Variants in ARHGEF10 observed in about 807,000 individuals in gnomAD.
The protein encoded by ARHGEF10 is Rho guanine nucleotide exchange factor 10, also known as Rho guanine nucleotide exchange factor (GEF) 10.
In ARHGEF10, 140 loss-of-function variants were observed where a neutral mutation model predicts 147.4. The ratio of observed to expected loss-of-function variants is 0.95; its 90% CI spans 0.83 to 1.09. The LOEUF (loss-of-function observed/expected upper bound fraction) is 1.09, where lower values mean the gene tolerates loss of function less well. ARHGEF10 is among the 50% of genes least tolerant of loss of function. The pLI is 0.00. For missense variants in ARHGEF10, 2,222 were observed against 1,752.7 expected, an observed-to-expected ratio of 1.27 and a Z score of -4.78; for synonymous variants, 902 against 695.8, an observed-to-expected ratio of 1.30 and a Z score of -4.67.
At chr8:1,898,561 T>A (rs768920804) in intron 15 of ARHGEF10, 36 bp downstream of exon 15, 1 of 1,590,138 alleles carries the variant, frequency 6.3e-7, no homozygotes, top group Non-Finnish European at 8.6e-7. Context: ...AAGCTAGTCC[T>A]CTGGCTCGCC....
intron 16 of ARHGEF10, chr8:1,903,878 G>T: frequency 4.0e-6 from 1 of 248,544 alleles, no homozygotes; most frequent in Admixed American, 5.2e-5. Context: ...AAGATCGCTG[G>T]AACCCAGGAG....
chr8:1,877,824 C>T (rs1289794470), intron 8 of ARHGEF10, among the ~76,000 whole-genome samples: 1 of 151,908 alleles, frequency 6.6e-6, no homozygotes, highest in Non-Finnish European at 1.5e-5. Flanking sequence ...AAGCCACACG[C>T]AGTCCTTGTC....
chr8:1,876,767 C>T (rs1432134786), intron 8 of ARHGEF10, 33 bp downstream of exon 8: 7 of 1,612,194 alleles, frequency 4.3e-6, no homozygotes, highest in South Asian at 1.1e-5. Context: ...AGGGATGGTT[C>T]TCTCGCGTTA....
At chr8:1,943,442 G>A (rs1235830805) in intron 26 of ARHGEF10, among the ~76,000 whole-genome samples, 2 of 152,152 alleles carry the variant, frequency 1.3e-5, no homozygotes, top group African/African-American at 2.4e-5. Context: ...TGTGACGCAG[G>A]AGGCCAAGTC....
intron 8 of ARHGEF10, among the ~76,000 whole-genome samples, chr8:1,878,194 G>GT (rs3837161): frequency 5.0e-4 from 76 of 150,652 alleles, no homozygotes; most frequent in South Asian, 4.8e-3. Context: ...AGTTTTTCGG[G>GT]TTTTTTTTTT....
chr8:1,834,862 G>T (rs922738638), intron 1 of ARHGEF10, among the ~76,000 whole-genome samples: 3 of 152,372 alleles, frequency 2.0e-5, no homozygotes, highest in South Asian at 2.1e-4. Flanking sequence ...TGCATCAGGG[G>T]TGGGATGTCC....
At chr8:1,944,170 C>A (rs1439520565) in intron 26 of ARHGEF10, among the ~76,000 whole-genome samples, 1 of 151,294 alleles carries the variant, frequency 6.6e-6, no homozygotes, top group Non-Finnish European at 1.5e-5. Flanking sequence ...GGGATCCCAG[C>A]TTCCCGCACC....
intron 8 of ARHGEF10, among the ~76,000 whole-genome samples, chr8:1,878,191 CG>C (rs960933237): frequency 8.9e-6 from 1 of 112,422 alleles, no homozygotes; most frequent in African/African-American, 3.5e-5. Flanking sequence ...TGTAGTTTTT[CG>C]GGTTTTTTTT....
Position 1,923,022 on chromosome 8 carries a change from C to G in ARHGEF10, c.2202C>G (p.Asp734Glu), listed in dbSNP as rs1563290680. The G allele has an allele frequency of 6.2e-7, 1 of 1,613,560 alleles. No homozygotes were observed. Among genetic ancestry groups the G allele is most frequent in the Non-Finnish European group, 8.5e-7 (1 of 1,179,922 alleles). The change falls in exon 19 of 29, where the codon GAC becomes GAG. Residue 734 changes from aspartate (D) to glutamate (E), a missense_variant. Physicochemically the swap from Asp to Glu is conservative, Grantham distance 45. Transcript: ENST00000349830. ...AAGATTTACAAAACTTGTTGCATGA[C>G]TTAAATGTAATTGGCCAAATCACTC... The part of the protein sequence containing the change: ...LYQDLQNLLH[D>E]LNVIGQITQL...
At chr8:1,953,418 G>A (rs918266709) in intron 28 of ARHGEF10, among the ~76,000 whole-genome samples, 2 of 152,170 alleles carry the variant, frequency 1.3e-5, no homozygotes, top group Admixed American at 1.3e-4. Flanking sequence ...GGAAGCCGGG[G>A]ATCCGAAAAG....
At chr8:1,905,905 C>G (rs1409650819) in intron 17 of ARHGEF10, among the ~76,000 whole-genome samples, 189 bp downstream of exon 17, 1 of 152,128 alleles carries the variant, frequency 6.6e-6, no homozygotes, top group African/African-American at 2.4e-5. Flanking sequence ...GTGTAAGTCA[C>G]CAAGTCACTG....
intron 26 of ARHGEF10, among the ~76,000 whole-genome samples, chr8:1,944,090 G>A (rs1349862685): frequency 1.3e-5 from 2 of 151,206 alleles, no homozygotes; most frequent in Non-Finnish European, 3.0e-5. Flanking sequence ...CACCTCCCTC[G>A]GGACCCCAGC....
At chr8:1,882,519 G>C (rs1808290372) in intron 9 of ARHGEF10, 116 bp from the exon 10 acceptor site, 1 of 892,508 alleles carries the variant, frequency 1.1e-6, no homozygotes. Context: ...AACTGCACGT[G>C]ACACATGCGC....
chr8:1,847,592 T>A (rs1367832075), intron 2 of ARHGEF10, among the ~76,000 whole-genome samples: 2 of 151,822 alleles, frequency 1.3e-5, no homozygotes, highest in African/African-American at 4.8e-5. Context: ...CAGCTTTGTT[T>A]CTGGGGGCAG....
chr8:1,938,065 G>T (rs2129250048), intron 26 of ARHGEF10, among the ~76,000 whole-genome samples: 1 of 152,302 alleles, frequency 6.6e-6, no homozygotes, highest in Non-Finnish European at 1.5e-5. Flanking sequence ...TGTCTGTCAG[G>T]GCCGTCAGGA....
At chr8:1,951,309 C>G (rs1815028550) in intron 27 of ARHGEF10, among the ~76,000 whole-genome samples, 3 of 152,230 alleles carry the variant, frequency 2.0e-5, no homozygotes, top group Admixed American at 2.0e-4. Flanking sequence ...TGCCGTGTTT[C>G]TCATTAGCTT....
At position 1,958,378 on chromosome 8, in the gene ARHGEF10, A is replaced by G. The variant is rs1044911749; in HGVS notation, c.*1115A>G. 2.0e-5 allele frequency: 3 copies of G among 152,222 alleles called. No homozygotes were observed. The highest frequency in any genetic ancestry group is 7.2e-5 in the African/African-American group (3 of 41,460). The allele number at this position is 152,222 out of a possible 1,614,324, so 9.4% of individuals were successfully genotyped here. On this transcript the variant is annotated 3_prime_UTR_variant, in exon 29 of 29. Transcript: ENST00000349830. The stretch of plus-strand genomic sequence containing the variant: ...TGCACACCATCATGTCAAGGTGCAT[A>G]CTTAGTGAGCGCCATCCTGCTGAAC...
rs763287486 is a variant in ARHGEF10, at chr8:1,957,266, A to G, written c.*3A>G. On this transcript the variant is annotated 3_prime_UTR_variant, in exon 29 of 29. Transcript: ENST00000349830. ...AGATCCCTCTGCTGAATATATAAGCAGGACGGCCGCCTTCTGCTGTCAGAA... is the reference window on the plus strand; with the variant it reads ...AGATCCCTCTGCTGAATATATAAGCGGGACGGCCGCCTTCTGCTGTCAGAA... The G allele has an allele frequency of 1.2e-6, 2 of 1,607,860 alleles. No individual in the cohort carries two copies. The highest frequency in any genetic ancestry group is 1.1e-5 in the South Asian group (1 of 90,664).
chr8:1,843,264 T>C, intron 1 of ARHGEF10, 89 bp from the exon 2 acceptor site: 2 of 940,124 alleles, frequency 2.1e-6, no homozygotes, highest in Non-Finnish European at 1.7e-6. Context: ...CTCTTCCTTT[T>C]TGCGGGGTTC....
Sources: allele counts gnomAD v4.1 joint callset (sites outside exome capture counted in the v4.1 genomes callset), GRCh38; gene constraint gnomAD v4.1.1; transcripts MANE v1.5; gene names NCBI Gene and HGNC (gene_info 2026-07-23, HGNC 2026-07-21).